CDH23: variants seen among roughly 807,000 people sequenced by gnomAD.
CDH23 encodes cadherin-23.
A neutral mutation model predicts 317.1 loss-of-function variants in CDH23; 189 were observed. The ratio of observed to expected loss-of-function variants is 0.60; its 90% CI spans 0.53 to 0.67. The LOEUF (loss-of-function observed/expected upper bound fraction) is 0.67. CDH23 is among the 30% of genes least tolerant of loss of function. The probability of loss-of-function intolerance (pLI) is 0.00; values close to 1 mark genes in which losing one functional copy is unlikely to be tolerated. For missense variants in CDH23, 4,401 were observed against 4,592.4 expected, an observed-to-expected ratio of 0.96 and a Z score of 1.20; for synonymous variants, 1,839 against 1,876.8, an observed-to-expected ratio of 0.98 and a Z score of 0.52.
At chr10:71,790,099 C>T (rs1438320050) in intron 45 of CDH23, among the ~76,000 whole-genome samples, 189 bp from the exon 46 acceptor site, 1 of 152,224 alleles carries the variant, frequency 6.6e-6, no homozygotes, top group African/African-American at 2.4e-5. Flanking sequence ...TTTGAGGCCG[C>T]TCCCCAGGCA....
intron 6 of CDH23, among the ~76,000 whole-genome samples, chr10:71,547,108 C>T (rs1007656092): frequency 3.3e-5 from 5 of 152,176 alleles, no homozygotes; most frequent in Non-Finnish European, 5.9e-5. Flanking sequence ...CCCCAAGGAG[C>T]TTACAGTCTA....
At chr10:71,398,137 C>A (rs1015334929) in intron 1 of CDH23, among the ~76,000 whole-genome samples, 2 of 152,192 alleles carry the variant, frequency 1.3e-5, no homozygotes, top group Non-Finnish European at 2.9e-5. Context: ...GGAGCGGGCA[C>A]CTAGAGAGGC....
chr10:71,536,688 CT>C (rs1454978452), intron 6 of CDH23, among the ~76,000 whole-genome samples: 1 of 152,132 alleles, frequency 6.6e-6, no homozygotes, highest in Non-Finnish European at 1.5e-5. Flanking sequence ...GCATAGTCCC[CT>C]GTCCCATCCA....
chr10:71,461,374 G>A (rs533685241), intron 3 of CDH23, among the ~76,000 whole-genome samples: 4 of 152,350 alleles, frequency 2.6e-5, no homozygotes, highest in African/African-American at 7.2e-5. Context: ...GATGCCTTAA[G>A]TACCTGTCAG....
chr10:71,519,775 CTTTTTCTTTTTTCTTTTT>C (rs1473488414), intron 6 of CDH23, among the ~76,000 whole-genome samples: 8 of 151,532 alleles, frequency 5.3e-5, no homozygotes, highest in African/African-American at 1.9e-4. Flanking sequence ...TTTTTCTTTT[CTTTTTCTTTTTTCTTTTT>C]TTTTTTTTGA....
chr10:71,436,498 A>T (rs1266689768), intron 1 of CDH23, among the ~76,000 whole-genome samples: 1 of 152,264 alleles, frequency 6.6e-6, no homozygotes, highest in South Asian at 2.1e-4. Context: ...GAACAGCAGC[A>T]TGGTGTGATG....
intron 3 of CDH23, among the ~76,000 whole-genome samples, chr10:71,484,771 A>G (rs1589126432): frequency 6.6e-6 from 1 of 152,258 alleles, no homozygotes. Context: ...TGGTATATAC[A>G]TTCTGTTGAG....
chr10:71,801,744 A>G (rs1246059632), intron 53 of CDH23, among the ~76,000 whole-genome samples: 1 of 152,192 alleles, frequency 6.6e-6, no homozygotes, highest in Non-Finnish European at 1.5e-5. Flanking sequence ...GAATGGGCCA[A>G]GACCACTTCT....
chr10:71,465,331 G>A (rs1468830357), intron 3 of CDH23, among the ~76,000 whole-genome samples: 1 of 152,270 alleles, frequency 6.6e-6, no homozygotes, highest in Non-Finnish European at 1.5e-5. Context: ...GGGGCAGGCA[G>A]CCCCTGAAGG....
intron 6 of CDH23, among the ~76,000 whole-genome samples, chr10:71,556,235 G>A (rs1223353277): frequency 6.6e-6 from 1 of 152,286 alleles, no homozygotes; most frequent in East Asian, 1.9e-4. Context: ...TGGTGATTTG[G>A]GGGGAAATGA....
chr10:71,560,748 T>C (rs72642239), intron 6 of CDH23, among the ~76,000 whole-genome samples: 49,289 of 151,798 alleles, frequency 0.32, 8,526 homozygotes, highest in East Asian at 0.6. Flanking sequence ...AGCCTCTGAG[T>C]AGCACAGGAG....
chr10:71,707,700 G>A (rs10999965), intron 26 of CDH23, among the ~76,000 whole-genome samples: 4,892 of 152,230 alleles, frequency 0.032, 128 homozygotes, highest in East Asian at 0.08. Context: ...CCCGACACAC[G>A]AGAGATGCTG....
intron 3 of CDH23, among the ~76,000 whole-genome samples, chr10:71,486,206 T>A (rs1259490577): frequency 1.3e-5 from 2 of 152,204 alleles, no homozygotes; most frequent in Non-Finnish European, 2.9e-5. Context: ...GGGGTCCTTA[T>A]TTCCAGAGGT....
intron 11 of CDH23, among the ~76,000 whole-genome samples, chr10:71,619,043 C>T (rs1861336349): frequency 6.6e-6 from 1 of 152,132 alleles, no homozygotes; most frequent in African/African-American, 2.4e-5. Flanking sequence ...CATTTTAAAA[C>T]ATATTTTTAA....
Position 71,790,292 on chromosome 10 carries a change from C to T in CDH23, c.5928C>T (p.Thr1976=), listed in dbSNP as rs1485529864. 4 of 1,613,554 alleles carry T rather than the reference C, an allele frequency of 2.5e-6. No individual in the cohort carries two copies. The African/African-American group carries it at 5.3e-5, about 22-fold the overall frequency. The change falls in exon 46 of 70, where the codon ACC becomes ACT. Residue 1976 remains threonine, a synonymous_variant. Coordinates refer to ENST00000224721, the MANE Select transcript of CDH23 (RefSeq NM_022124.6). ...ACCCCTCTCCTTCTGGCCCAGGCACCCCTCTCACGGTGCTCAATGGGCCCA... is the reference window on the plus strand; with the variant it reads ...ACCCCTCTCCTTCTGGCCCAGGCACTCCTCTCACGGTGCTCAATGGGCCCA... The part of the protein sequence containing the change: ...AEVMENSPAG[T]PLTVLNGPIL...
chr10:71,813,219 G>C (rs1842002085), intron 68 of CDH23, 25 bp from the exon 69 acceptor site: 1 of 1,547,048 alleles, frequency 6.5e-7, no homozygotes, highest in East Asian at 2.4e-5. Context: ...GGCCTTGGTG[G>C]GGGTTAACCC....
rs1303862431 is a variant in CDH23 at position 71,420,156 on chromosome 10, A to C, written c.-5-19671A>C. 4.6e-5 allele frequency among the ~76,000 whole-genome samples: 7 copies of C among 152,312 alleles called. No individual in the cohort carries two copies. In the East Asian group the frequency reaches 1.3e-3, roughly 29 times the overall value. On this transcript the variant is annotated intron_variant, in intron 1 of 69. Coordinates refer to ENST00000224721, the MANE Select transcript of CDH23 (RefSeq NM_022124.6). The stretch of plus-strand genomic sequence containing the variant: ...AAGGCAGATTGGGGTACATTAGAAG[A>C]GCAATTTGTCTTTCTTCCTTTCTCT...
chr10:71,476,054 A>G (rs1851778563), intron 3 of CDH23, among the ~76,000 whole-genome samples: 1 of 152,196 alleles, frequency 6.6e-6, no homozygotes, highest in Non-Finnish European at 1.5e-5. Flanking sequence ...GGCAGCTCCC[A>G]GACATTTGGT....
Position 71,702,652 on chromosome 10 carries a change from C to G in CDH23, c.2691C>G (p.Ala897=). The G allele has an allele frequency of 6.2e-7, 1 of 1,613,906 alleles. No individual in the cohort carries two copies. The highest frequency in any genetic ancestry group is 1.1e-5 in the South Asian group (1 of 91,084). ...CCTTTCAGAACCTGCCTTTTGTGGCCGAGGTGCTTGAAGGCATCCCGGCGG... is the reference window on the plus strand; with the variant it reads ...CCTTTCAGAACCTGCCTTTTGTGGCGGAGGTGCTTGAAGGCATCCCGGCGG... The part of the protein sequence containing the change: ...DPTFQNLPFV[A]EVLEGIPAGV... Residue 897 remains alanine (A), a synonymous_variant, in exon 24 of 70, where the codon GCC becomes GCG. Coordinates refer to ENST00000224721, the MANE Select transcript of CDH23 (RefSeq NM_022124.6).
Sources: gnomAD v4.1 joint callset for allele counts (sites outside exome capture counted in the v4.1 genomes callset) on GRCh38, gnomAD v4.1.1 for gene constraint, MANE v1.5 for transcripts, NCBI Gene and HGNC (gene_info 2026-07-23, HGNC 2026-07-21) for gene names.